TBC1D8: variants seen among roughly 807,000 people sequenced by gnomAD.
TBC1D8 encodes TBC1 domain family member 8.
Under a neutral mutation model 118.8 loss-of-function variants are expected in TBC1D8, and 65 were observed. The ratio of observed to expected loss-of-function variants is 0.55; its 90% CI spans 0.45 to 0.67. The LOEUF (loss-of-function observed/expected upper bound fraction) is 0.67, where lower values mean the gene tolerates loss of function less well. Among genes scored for constraint, TBC1D8 ranks in the 30% least tolerant of loss-of-function variants. TBC1D8 has a pLI of 0.00. For missense variants in TBC1D8, 1,376 were observed against 1,471.2 expected (o/e 0.94, Z 1.06); for synonymous variants, 566 against 595.8 (o/e 0.95, Z 0.73).
chr2:101,022,179 T>C lies in TBC1D8; in HGVS notation c.2761+102A>G, dbSNP rs1008364148. The C allele has an allele frequency of 1.8e-5, 28 of 1,549,424 alleles. No individual in the cohort carries two copies. In the African/African-American group the frequency reaches 3.3e-4, roughly 18 times the overall value. On this transcript the variant is annotated intron_variant, in intron 16 of 19. Transcript: ENST00000409318. The stretch of plus-strand genomic sequence containing the variant: ...GTTCATGTCAGGCCAGTCACAAAAG[T>C]GTTACACCATGTGCATCTGCCTGCT...
chr2:101,051,489 C>T (rs958877385), intron 4 of TBC1D8, among the ~76,000 whole-genome samples: 1 of 152,022 alleles, frequency 6.6e-6, no homozygotes, highest in Non-Finnish European at 1.5e-5. Context: ...TTCTGCACAG[C>T]GAAAGAAACT....
In TBC1D8 at chr2:101,007,879, A is replaced by C. The variant is rs746657341; in HGVS notation, c.3410T>G (p.Leu1137Arg). 54 of 1,613,586 alleles carry C rather than the reference A, an allele frequency of 3.3e-5. No homozygotes were observed. The highest frequency in any genetic ancestry group is 4.6e-5 in the Non-Finnish European group (54 of 1,179,874). Residue 1137 changes from leucine (L) to arginine (R), a missense_variant, in exon 20 of 20, where the codon CTC (leucine) becomes CGC (arginine). Leu to Arg is a moderately radical substitution (Grantham distance 102). Transcript: ENST00000409318. Reference protein sequence around the residue: ...LENAKINQYNLKTFEMSHQSQ... With the variant: ...LENAKINQYNRKTFEMSHQSQ... The stretch of plus-strand genomic sequence containing the variant: ...TTGGTGGCTCATTTCAAAAGTTTTG[A>C]GATTGTACTGATTGATCTTGGCATT...
intron 3 of TBC1D8, among the ~76,000 whole-genome samples, chr2:101,054,899 C>G (rs973406044): frequency 7.3e-5 from 11 of 150,236 alleles, no homozygotes; most frequent in Non-Finnish European, 1.5e-4. Context: ...TCAGGCTGGT[C>G]TCGAACTCCC....
At chr2:101,110,103 A>T in intron 1 of TBC1D8, 1 of 788,468 alleles carries the variant, frequency 1.3e-6, no homozygotes, top group Non-Finnish European at 1.5e-6. Flanking sequence ...AAGTTTTATA[A>T]TTAGGGCCCA....
At chr2:101,102,340 G>A (rs1283943266) in intron 1 of TBC1D8, among the ~76,000 whole-genome samples, 4 of 152,110 alleles carry the variant, frequency 2.6e-5, no homozygotes, top group African/African-American at 9.7e-5. Flanking sequence ...TGTAATCCCA[G>A]TTACTCAGGA....
At chr2:101,048,937 AT>A (rs1378806049) in intron 5 of TBC1D8, among the ~76,000 whole-genome samples, 2 of 152,156 alleles carry the variant, frequency 1.3e-5, no homozygotes, top group African/African-American at 4.8e-5. Context: ...ATGGGTCAGA[AT>A]TTCCTTCCTT....
chr2:101,072,910 A>T (rs1674545490), intron 2 of TBC1D8, among the ~76,000 whole-genome samples: 1 of 152,108 alleles, frequency 6.6e-6, no homozygotes, highest in Non-Finnish European at 1.5e-5. Context: ...CCCACCTCCA[A>T]CGTTGGAGGT....
chr2:101,025,004 A>G (rs1680255607), intron 15 of TBC1D8, among the ~76,000 whole-genome samples: 2 of 152,204 alleles, frequency 1.3e-5, no homozygotes, highest in Admixed American at 6.5e-5. Flanking sequence ...AAAGTTCATC[A>G]TACATGGTCA....
chr2:101,050,010 G>T (rs1276476222), intron 5 of TBC1D8, among the ~76,000 whole-genome samples: 1 of 151,892 alleles, frequency 6.6e-6, no homozygotes, highest in Non-Finnish European at 1.5e-5. Flanking sequence ...TGTATTTTTA[G>T]TAGAGACGGG....
chr2:101,029,544 A>C lies in TBC1D8; in HGVS notation c.2169T>G (p.Ala723=). The C allele has an allele frequency of 6.2e-7, 1 of 1,614,012 alleles. No individual in the cohort carries two copies. The highest frequency in any genetic ancestry group is 1.1e-5 in the South Asian group (1 of 91,086). The change falls in exon 12 of 20, where the codon GCT becomes GCG. Residue 723 remains alanine, a synonymous_variant. Transcript: ENST00000409318. ...CATCCTTGCTGCTGCACAGGTCCTC[A>C]GCATTGGCCTCAAGCACAGCCAGTC... ...QLGLAVLEAN[A]EDLCSSKDDG...
chr2:101,086,446 A>ATACT (rs1675636337), intron 2 of TBC1D8, among the ~76,000 whole-genome samples: 2 of 152,230 alleles, frequency 1.3e-5, no homozygotes, highest in African/African-American at 4.8e-5. Context: ...CTGCAACAGT[A>ATACT]TACTATGTTC....
At chr2:101,105,255 C>T (rs908131537) in intron 1 of TBC1D8, among the ~76,000 whole-genome samples, 5 of 151,902 alleles carry the variant, frequency 3.3e-5, no homozygotes, top group African/African-American at 9.7e-5. Flanking sequence ...GGACTTATAT[C>T]CAAAATATAC....
At chr2:101,033,175 G>A (rs570897348) in intron 10 of TBC1D8, among the ~76,000 whole-genome samples, 1 of 151,184 alleles carries the variant, frequency 6.6e-6, no homozygotes, top group South Asian at 2.1e-4. Flanking sequence ...GGAATGCAGT[G>A]GCATGATCTC....
chr2:101,054,042 C>T, intron 4 of TBC1D8, 66 bp downstream of exon 4: 1 of 1,444,202 alleles, frequency 6.9e-7, no homozygotes, highest in Non-Finnish European at 9.4e-7. Flanking sequence ...AACGGCCCTT[C>T]CTGGGAGCAG....
intron 1 of TBC1D8, among the ~76,000 whole-genome samples, chr2:101,113,769 TGAAGGAAGA>T (rs1677706832): frequency 6.6e-6 from 1 of 152,094 alleles, no homozygotes; most frequent in Non-Finnish European, 1.5e-5. Flanking sequence ...AAGGGGTCAG[TGAAGGAAGA>T]CAACTCCATA....
chr2:101,066,288 A>AAATAT (rs1428932682), intron 2 of TBC1D8, among the ~76,000 whole-genome samples: 5 of 151,996 alleles, frequency 3.3e-5, no homozygotes, highest in Non-Finnish European at 7.4e-5. Context: ...CATCTCAAAA[A>AAATAT]AATAAAATAA....
intron 2 of TBC1D8, among the ~76,000 whole-genome samples, chr2:101,060,504 G>A (rs1230403446): frequency 6.6e-6 from 1 of 152,146 alleles, no homozygotes; most frequent in East Asian, 1.9e-4. Flanking sequence ...TTAAATCAAA[G>A]GCGTAAATTC....
At chr2:101,102,496 A>G (rs186138152) in intron 1 of TBC1D8, among the ~76,000 whole-genome samples, 1 of 152,006 alleles carries the variant, frequency 6.6e-6, no homozygotes, top group East Asian at 1.9e-4. Context: ...GAAAGGTCTA[A>G]GTACACCAAC....
intron 2 of TBC1D8, among the ~76,000 whole-genome samples, chr2:101,078,083 T>C (rs550810271): frequency 2.6e-5 from 4 of 152,136 alleles, no homozygotes; most frequent in Non-Finnish European, 5.9e-5. Flanking sequence ...CTGCTAAGAT[T>C]GTATCCCCAA....
Sources: allele counts gnomAD v4.1 joint callset (sites outside exome capture counted in the v4.1 genomes callset), GRCh38; gene constraint gnomAD v4.1.1; transcripts MANE v1.5; gene names NCBI Gene and HGNC (gene_info 2026-07-23, HGNC 2026-07-21).